The following BCL9L variants were observed in gnomAD, a reference collection of about 807,000 sequenced individuals.
The protein encoded by BCL9L is B-cell CLL/lymphoma 9-like protein.
In BCL9L, 19 loss-of-function variants were observed where a neutral mutation model predicts 99.4. The ratio of observed to expected loss-of-function variants is 0.19; its 90% CI spans 0.13 to 0.28. The LOEUF (loss-of-function observed/expected upper bound fraction) is 0.28, where lower values mean the gene tolerates loss of function less well. Among genes scored for constraint, BCL9L ranks in the 10% least tolerant of loss-of-function variants. The probability of loss-of-function intolerance (pLI) is 1.00; values close to 1 mark genes in which losing one functional copy is unlikely to be tolerated. For synonymous variants in BCL9L, 900 were observed against 854.8 expected, an observed-to-expected ratio of 1.05 and a Z score of -0.92; for missense variants, 2,023 against 2,101.6, an observed-to-expected ratio of 0.96 and a Z score of 0.73.
chr11:118,920,814 C>G (rs1941116198), intron 1 of BCL9L, among the ~76,000 whole-genome samples: 1 of 152,126 alleles, frequency 6.6e-6, no homozygotes, highest in African/African-American at 2.4e-5. Context: ...CTCCAAGGAC[C>G]ACGGAACTGC....
In BCL9L at chr11:118,898,294, G is replaced by GCCCCCACCCCCC; in HGVS notation, c.*120_*121insGGGGGGTGGGGG. ...TCCACAAATGCCACTCCCTACACAA[G>GCCCCCACCCCCC]CCCCCTCCCACCCCCTCCACCCCAC... On this transcript the variant is annotated 3_prime_UTR_variant, in exon 10 of 10. Transcript: ENST00000683865. The GCCCCCACCCCCC allele has an allele frequency of 4.4e-6, 2 of 452,312 alleles. No homozygotes were observed. Among genetic ancestry groups the GCCCCCACCCCCC allele is most frequent in the Non-Finnish European group, 4.1e-6 (1 of 244,762 alleles). The allele number at this position is 452,312 out of a possible 1,614,324, so 28.0% of individuals were successfully genotyped here.
intron 1 of BCL9L, among the ~76,000 whole-genome samples, chr11:118,924,076 G>A (rs1941219263): frequency 6.6e-6 from 1 of 152,128 alleles, no homozygotes; most frequent in Admixed American, 6.5e-5. Flanking sequence ...TCCCTGGAGA[G>A]ACCAAGAAGA....
rs1440557380 is a variant in BCL9L, at chr11:118,903,580, G to A, written c.533-128C>T. On this transcript the variant is annotated intron_variant, in intron 5 of 9. Transcript: ENST00000683865. This position sits in a 1 kb window ranked among gnomAD's most constrained non-coding sequence, Gnocchi z 5.6. ...ACAGGGACATTTGATGTCAGTATCT[G>A]GTGTTCTCACCAGGCTGGTTTCCAC... 5 of 1,052,366 alleles carry A rather than the reference G, an allele frequency of 4.8e-6. No individual in the cohort carries two copies. The Admixed American group carries it at 8.4e-5, about 18-fold the overall frequency. 65.2% of individuals were successfully genotyped at this position (1,052,366 alleles called of 1,614,324 possible).
chr11:118,924,324 G>A (rs578076430), intron 1 of BCL9L, among the ~76,000 whole-genome samples: 2 of 151,292 alleles, frequency 1.3e-5, no homozygotes, highest in Non-Finnish European at 3.0e-5. Context: ...GGTTCCCCCA[G>A]ACACAGACAC....
Position 118,903,176 on chromosome 11 carries a change from C to A in BCL9L, c.749+60G>T. On this transcript the variant is annotated intron_variant, in intron 6 of 9. Transcript: ENST00000683865. The surrounding 1 kb of genome is among the most constrained non-coding windows in gnomAD (Gnocchi z 5.6). Reference sequence around the variant, plus strand: ...CCTGCACGGGGCTCCCTCGGAACCCCAGGCTGAGAGGTGCTGGGCAGAGAG... The same window carrying A: ...CCTGCACGGGGCTCCCTCGGAACCCAAGGCTGAGAGGTGCTGGGCAGAGAG... The A allele has an allele frequency of 6.4e-7, 1 of 1,569,892 alleles. No homozygotes were observed. Among genetic ancestry groups the A allele is most frequent in the South Asian group, 1.2e-5 (1 of 85,924 alleles).
chr11:118,904,339 C>G (rs1436437817), intron 5 of BCL9L, among the ~76,000 whole-genome samples: 1 of 152,038 alleles, frequency 6.6e-6, no homozygotes, highest in Non-Finnish European at 1.5e-5. Context: ...ACTCAGGAGG[C>G]TGAGACATGA....
At chr11:118,906,685 TTC>T (rs112764353) in intron 5 of BCL9L, among the ~76,000 whole-genome samples, 20,086 of 151,646 alleles carry the variant, frequency 0.13, 3,213 homozygotes, top group African/African-American at 0.39. Context: ...TTTCCTTTCT[TTC>T]TCTCTCTCTC....
Position 118,901,489 on chromosome 11 carries a change from G to A in BCL9L, c.2254C>T (p.Pro752Ser), listed in dbSNP as rs768467401. ...FGGGRGLLSP[P>S]MGQSGLREVD... The stretch of plus-strand genomic sequence containing the variant: ...TCCCTCAGCCCAGACTGCCCCATGG[G>A]AGGGCTCAGGAGGCCCCGGCCTCCA... The change falls in exon 8 of 10, where the codon CCC becomes TCC. Residue 752 changes from proline to serine, a missense_variant. Around this residue, in one of 3 missense-constraint regions of BCL9L, gnomAD observed 1,116 missense variants for 1,194.6 expected, o/e 0.93. Coordinates refer to ENST00000683865, the MANE Select transcript of BCL9L (RefSeq NM_001378213.1). This position sits in a 1 kb window ranked among gnomAD's most constrained non-coding sequence, Gnocchi z 6.6. 1.5e-5 allele frequency: 24 copies of A among 1,613,960 alleles called. No homozygotes were observed. In the Admixed American group the frequency reaches 1.5e-4, roughly 10 times the overall value.
At chr11:118,920,919 C>G (rs935708256) in intron 1 of BCL9L, among the ~76,000 whole-genome samples, 12 of 152,148 alleles carry the variant, frequency 7.9e-5, no homozygotes, top group Admixed American at 2.0e-4. Flanking sequence ...ACTACATACC[C>G]CAGACATGTT....
chr11:118,901,282 G>A lies in BCL9L; in HGVS notation c.2461C>T (p.Arg821Trp), dbSNP rs775340757. 8 of 1,613,970 alleles carry A rather than the reference G, an allele frequency of 5.0e-6. No individual in the cohort carries two copies. Among genetic ancestry groups the A allele is most frequent in the African/African-American group, 1.3e-5 (1 of 75,016 alleles). Residue 821 changes from arginine to tryptophan, a missense_variant, in exon 8 of 10, where the codon CGG becomes TGG. Arg to Trp is a moderately radical substitution (Grantham distance 101). Transcript: ENST00000683865. The surrounding 1 kb of genome is among the most constrained non-coding windows in gnomAD (Gnocchi z 6.6). ...ATCACGCCACTGCTGTTCTGGGCCCGAACCCGGGCCATCTCCTCAGGACTG... is the reference window on the plus strand; with the variant it reads ...ATCACGCCACTGCTGTTCTGGGCCCAAACCCGGGCCATCTCCTCAGGACTG... ...GLSPEEMARVRAQNSSGVMGG... is the reference protein window; with the variant it reads ...GLSPEEMARVWAQNSSGVMGG...
chr11:118,900,179 G>A lies in BCL9L; in HGVS notation c.3144C>T (p.Gly1048=), dbSNP rs942514941. The change falls in exon 9 of 10, where the codon GGC becomes GGT. Residue 1048 remains glycine (G), a synonymous_variant. Transcript: ENST00000683865. This position sits in a 1 kb window ranked among gnomAD's most constrained non-coding sequence, Gnocchi z 5.3. The part of the protein sequence containing the change: ...NMEQGTLPPS[G]PRSSSSAPPA... The stretch of plus-strand genomic sequence containing the variant: ...GAGGTGCTGAGGAGCTGCTCCGGGG[G>A]CCGCTAGGCGGGAGGGTACCTACAG... 1 of 1,604,410 alleles carries A rather than the reference G, an allele frequency of 6.2e-7. No individual in the cohort carries two copies. Among genetic ancestry groups the A allele is most frequent in the Non-Finnish European group, 8.5e-7 (1 of 1,173,428 alleles).
In BCL9L at chr11:118,901,349, C is replaced by T; in HGVS notation, c.2394G>A (p.Gln798=). The T allele has an allele frequency of 6.2e-7, 1 of 1,613,842 alleles. No individual in the cohort carries two copies. Among genetic ancestry groups the T allele is most frequent in the Non-Finnish European group, 8.5e-7 (1 of 1,179,994 alleles). The change falls in exon 8 of 10, where the codon CAG becomes CAA. Residue 798 remains glutamine, a synonymous_variant. Coordinates refer to ENST00000683865, the MANE Select transcript of BCL9L (RefSeq NM_001378213.1). The surrounding 1 kb of genome is among the most constrained non-coding windows in gnomAD (Gnocchi z 6.6). ...MTPQQQMLMS[Q]KMRGPGDLMG... ...TCAAGTCCCCAGGGCCCCGCATCTT[C>T]TGCGACATCAGCATCTGCTGCTGCG... is the stretch of plus-strand genomic sequence containing the variant.
intron 2 of BCL9L, among the ~76,000 whole-genome samples, chr11:118,917,315 A>G (rs980107944): frequency 6.6e-6 from 1 of 152,200 alleles, no homozygotes; most frequent in African/African-American, 2.4e-5. Context: ...AGGATCACCA[A>G]CATTTATTGA....
Position 118,898,780 on chromosome 11 carries a change from C to G in BCL9L, c.4135G>C (p.Gly1379Arg), listed in dbSNP as rs1565611474. Residue 1379 changes from glycine to arginine, a missense_variant, in exon 10 of 10, where the codon GGC becomes CGC. Gly to Arg is a moderately radical substitution (Grantham distance 125). Transcript: ENST00000683865. Reference protein sequence around the residue: ...QTPSRPPNLPGQQGVQRGLNM... With the variant: ...QTPSRPPNLPRQQGVQRGLNM... ...AGCCCCCGCTGGACGCCCTGCTGGC[C>G]TGGGAGGTTGGGAGGCCGAGAGGGA... is the stretch of plus-strand genomic sequence containing the variant. 6.2e-7 allele frequency: 1 copy of G among 1,613,948 alleles called. No homozygotes were observed.
rs956181680 is a variant in BCL9L, at chr11:118,914,265, C to T, written c.-76-4250G>A. Among the ~76,000 whole-genome samples, 6 of 152,090 alleles carry T rather than the reference C, an allele frequency of 3.9e-5. No individual in the cohort carries two copies. Among genetic ancestry groups the T allele is most frequent in the Non-Finnish European group, 7.4e-5 (5 of 68,002 alleles). ...CCCTATTTAGGGGGGTAGGGGTGGCCGAGGAACCTCCTCCAAACTGCCTGG... is the reference window on the plus strand; with the variant it reads ...CCCTATTTAGGGGGGTAGGGGTGGCTGAGGAACCTCCTCCAAACTGCCTGG... On this transcript the variant is annotated intron_variant, in intron 2 of 9. Coordinates refer to ENST00000683865, the MANE Select transcript of BCL9L (RefSeq NM_001378213.1). The surrounding 1 kb of genome is among the most constrained non-coding windows in gnomAD (Gnocchi z 4.4).
chr11:118,904,621 T>C (rs1183162281), intron 5 of BCL9L, among the ~76,000 whole-genome samples: 2 of 152,122 alleles, frequency 1.3e-5, no homozygotes, highest in Non-Finnish European at 2.9e-5. Context: ...GGTGAGTGGG[T>C]AGACCCATTC....
intron 2 of BCL9L, among the ~76,000 whole-genome samples, chr11:118,916,400 A>T (rs1189849949): frequency 6.6e-6 from 1 of 151,406 alleles, no homozygotes; most frequent in African/African-American, 2.4e-5. Flanking sequence ...CCTGCCGCCC[A>T]CTCCTGGGCT....
intron 2 of BCL9L, among the ~76,000 whole-genome samples, chr11:118,916,374 T>C (rs1005646390): frequency 1.3e-5 from 2 of 152,284 alleles, no homozygotes; most frequent in African/African-American, 2.4e-5. Context: ...CCCCACCTCA[T>C]TGTGGGCACC....
intron 2 of BCL9L, 137 bp from the exon 3 acceptor site, chr11:118,910,152 C>G (rs1292817498): frequency 1.6e-6 from 1 of 630,654 alleles, no homozygotes; most frequent in East Asian, 2.8e-5. Flanking sequence ...AAGAGGATTA[C>G]GAGATGGGGT....
Sources: allele counts gnomAD v4.1 joint callset (sites outside exome capture counted in the v4.1 genomes callset), GRCh38; gene constraint gnomAD v4.1.1; regional missense constraint gnomAD v4.1.1; non-coding constraint Gnocchi (gnomAD v3.1); transcripts MANE v1.5; gene names NCBI Gene and HGNC (gene_info 2026-07-23, HGNC 2026-07-21).